ARHGAP44: variants seen among roughly 807,000 people sequenced by gnomAD.
The protein encoded by ARHGAP44 is rho GTPase-activating protein 44.
In ARHGAP44, 43 loss-of-function variants were observed where a neutral mutation model predicts 106.8. That is an observed-to-expected ratio of 0.40 (90% confidence interval 0.32 to 0.52). The LOEUF (loss-of-function observed/expected upper bound fraction) is 0.52. ARHGAP44 is among the 20% of genes least tolerant of loss of function. The pLI, the probability that ARHGAP44 is intolerant of heterozygous loss-of-function variation, is 0.48. For missense variants in ARHGAP44, 866 were observed against 1,050.5 expected, an observed-to-expected ratio of 0.82 and a Z score of 2.43; for synonymous variants, 439 against 410.3, an observed-to-expected ratio of 1.07 and a Z score of -0.85.
intron 17 of ARHGAP44, 86 bp from the exon 18 acceptor site, chr17:12,974,003 G>GC: frequency 7.2e-7 from 1 of 1,381,278 alleles, no homozygotes; most frequent in African/African-American, 1.4e-5. Context: ...TTCTCCCAAC[G>GC]CGGACCTGCT....
intron 3 of ARHGAP44, among the ~76,000 whole-genome samples, chr17:12,899,300 T>A (rs1473747809): frequency 2.0e-5 from 3 of 152,192 alleles, no homozygotes; most frequent in Non-Finnish European, 2.9e-5. Context: ...CTTGATTTTG[T>A]CAATGATTTC....
Position 12,959,596 on chromosome 17 carries a change from C to G in ARHGAP44, c.1523+699C>G, listed in dbSNP as rs78855163. Among the ~76,000 whole-genome samples, 485 of 152,306 alleles carry G rather than the reference C, an allele frequency of 3.2e-3. 4 individuals carry two copies. The highest frequency in any genetic ancestry group is 0.011 in the African/African-American group (469 of 41,560). ...CAGGTTTCGTAACAAGCACAGCTGACTCACGGTGAGCACCGGCTCAGCCAT... is the reference window on the plus strand; with the variant it reads ...CAGGTTTCGTAACAAGCACAGCTGAGTCACGGTGAGCACCGGCTCAGCCAT... On this transcript the variant is annotated intron_variant, in intron 16 of 20. Coordinates refer to ENST00000379672, the MANE Select transcript of ARHGAP44 (RefSeq NM_014859.6).
intron 1 of ARHGAP44, among the ~76,000 whole-genome samples, chr17:12,849,062 A>C (rs991986344): frequency 6.9e-6 from 1 of 144,286 alleles, no homozygotes; most frequent in African/African-American, 2.7e-5. Flanking sequence ...AAAAAAAAAA[A>C]AAGTTGACTA....
intron 1 of ARHGAP44, among the ~76,000 whole-genome samples, chr17:12,859,006 C>T (rs939591500): frequency 3.9e-5 from 6 of 152,192 alleles, no homozygotes; most frequent in Non-Finnish European, 8.8e-5. Flanking sequence ...ATTCAATTCT[C>T]TCCCACTGGG....
chr17:12,957,225 TGGGATTACAGG>T (rs2039152466), intron 15 of ARHGAP44, among the ~76,000 whole-genome samples: 1 of 152,204 alleles, frequency 6.6e-6, no homozygotes, highest in African/African-American at 2.4e-5. Flanking sequence ...CCCAAAGTGC[TGGGATTACAGG>T]CGTCAGCCAC....
At chr17:12,954,007 C>T (rs2039063226) in intron 13 of ARHGAP44, among the ~76,000 whole-genome samples, 1 of 152,022 alleles carries the variant, frequency 6.6e-6, no homozygotes, top group South Asian at 2.1e-4. Context: ...CCTGCCTCAG[C>T]CTCCTGAGTA....
intron 1 of ARHGAP44, among the ~76,000 whole-genome samples, chr17:12,894,308 G>GGA (rs57153916): frequency 0.7 from 102,824 of 147,790 alleles, 35,776 homozygotes; most frequent in East Asian, 0.93. Context: ...AAAGAGAGGG[G>GGA]GAGAGAGAGA....
In ARHGAP44 at chr17:12,949,380, C is replaced by T. The variant is rs2038939733; in HGVS notation, c.973+129C>T. ...CCAAAGCACTTCAGATGTGTCCACT[C>T]AGTGCCCAGTTTCAGGGCTGGGTGC... On this transcript the variant is annotated intron_variant, in intron 11 of 20. Coordinates refer to ENST00000379672, the MANE Select transcript of ARHGAP44 (RefSeq NM_014859.6). This position sits in a 1 kb window ranked among gnomAD's most constrained non-coding sequence, Gnocchi z 4.1. The T allele has an allele frequency of 2.9e-6, 3 of 1,025,344 alleles. No individual in the cohort carries two copies. Among genetic ancestry groups the T allele is most frequent in the Non-Finnish European group, 4.3e-6 (3 of 703,240 alleles). The allele number at this position is 1,025,344 out of a possible 1,614,324, so 63.5% of individuals were successfully genotyped here.
intron 1 of ARHGAP44, among the ~76,000 whole-genome samples, chr17:12,847,766 A>G (rs2035615574): frequency 6.6e-6 from 1 of 151,840 alleles, no homozygotes; most frequent in Admixed American, 6.6e-5. Flanking sequence ...CGGCCTCCCA[A>G]AGTGCTGGGA....
chr17:12,803,213 C>G (rs1265133651), intron 1 of ARHGAP44, among the ~76,000 whole-genome samples: 2 of 151,562 alleles, frequency 1.3e-5, no homozygotes, highest in Non-Finnish European at 1.5e-5. Flanking sequence ...CTCAGGTGAT[C>G]CACCCGCCTC....
Position 12,984,596 on chromosome 17 carries a change from C to A in ARHGAP44, c.2005C>A (p.Gln669Lys). The A allele has an allele frequency of 6.2e-7, 1 of 1,604,486 alleles. No individual in the cohort carries two copies. Residue 669 changes from glutamine to lysine, a missense_variant, in exon 20 of 21, where the codon CAG becomes AAG. Around this residue, in one of 2 missense-constraint regions of ARHGAP44, gnomAD observed 418 missense variants for 403.6 expected, o/e 1.04. Coordinates refer to ENST00000379672, the MANE Select transcript of ARHGAP44 (RefSeq NM_014859.6). ...PFGQPGAMADQSAGQPSPVSL... is the reference protein window; with the variant it reads ...PFGQPGAMADKSAGQPSPVSL... ...TGGCCAGCCGGGGGCTATGGCAGACCAGTCCGCTGGCCAGCCGTCCCCAGT... is the reference window on the plus strand; with the variant it reads ...TGGCCAGCCGGGGGCTATGGCAGACAAGTCCGCTGGCCAGCCGTCCCCAGT...
At chr17:12,905,808 C>T (rs2037529181) in intron 3 of ARHGAP44, among the ~76,000 whole-genome samples, 1 of 152,186 alleles carries the variant, frequency 6.6e-6, no homozygotes, top group African/African-American at 2.4e-5. Context: ...GAATGTTTAT[C>T]ACAAACCAGA....
At chr17:12,929,147 C>T (rs1350477734) in intron 7 of ARHGAP44, 101 bp downstream of exon 7, 25 of 1,136,342 alleles carry the variant, frequency 2.2e-5, no homozygotes, top group Non-Finnish European at 2.7e-5. Context: ...GTCAGTGAGG[C>T]TCTAGTTGAA....
chr17:12,807,875 A>G (rs1384973055), intron 1 of ARHGAP44, among the ~76,000 whole-genome samples: 1 of 152,236 alleles, frequency 6.6e-6, no homozygotes, highest in Non-Finnish European at 1.5e-5. Context: ...GAGACAAGGC[A>G]AGTCTCTTCT....
At chr17:12,962,080 A>T (rs28404375) in intron 16 of ARHGAP44, among the ~76,000 whole-genome samples, 28,668 of 150,424 alleles carry the variant, frequency 0.19, 3,310 homozygotes, top group East Asian at 0.52. Context: ...GTTAAAAAAA[A>T]ATATATATAT....
intron 1 of ARHGAP44, among the ~76,000 whole-genome samples, chr17:12,885,376 A>G (rs2036852598): frequency 6.7e-6 from 1 of 149,052 alleles, no homozygotes. Flanking sequence ...TTTTCTCTAG[A>G]GTGGCTCTGC....
Position 12,837,088 on chromosome 17 carries a change from A to G in ARHGAP44, c.53+47197A>G, listed in dbSNP as rs146539694. On this transcript the variant is annotated intron_variant, in intron 1 of 20. Transcript: ENST00000379672. Reference sequence around the variant, plus strand: ...ATACAAAGTGTGCTCTCTGACTCTAATGGAGATCAACTAGAAATCTGTAAC... The same window carrying G: ...ATACAAAGTGTGCTCTCTGACTCTAGTGGAGATCAACTAGAAATCTGTAAC... 5.1e-3 allele frequency among the ~76,000 whole-genome samples: 770 copies of G among 152,360 alleles called. 8 individuals are homozygous for G. Among genetic ancestry groups the G allele is most frequent in the African/African-American group, 0.018 (734 of 41,578 alleles).
At chr17:12,845,916 A>G (rs2035557478) in intron 1 of ARHGAP44, among the ~76,000 whole-genome samples, 1 of 152,212 alleles carries the variant, frequency 6.6e-6, no homozygotes, top group African/African-American at 2.4e-5. Context: ...ATCTCTGTAT[A>G]TTGTGTAAGA....
intron 1 of ARHGAP44, among the ~76,000 whole-genome samples, chr17:12,879,941 A>C (rs1259393450): frequency 6.6e-6 from 1 of 152,010 alleles, no homozygotes; most frequent in African/African-American, 2.4e-5. Flanking sequence ...AGAAAATACT[A>C]AGAAAATCAT....
Sources: allele counts gnomAD v4.1 joint callset (sites outside exome capture counted in the v4.1 genomes callset), GRCh38; gene constraint gnomAD v4.1.1; regional missense constraint gnomAD v4.1.1; non-coding constraint Gnocchi (gnomAD v3.1); transcripts MANE v1.5; gene names NCBI Gene and HGNC (gene_info 2026-07-23, HGNC 2026-07-21).